Variants in NAALADL2 observed in about 807,000 individuals in gnomAD.
The protein encoded by NAALADL2 is inactive N-acetylated-alpha-linked acidic dipeptidase-like protein 2.
Under a neutral mutation model 87.2 loss-of-function variants are expected in NAALADL2, and 76 were observed. The observed-to-expected ratio is 0.87, with a 90% CI of 0.72 to 1.05. The LOEUF (loss-of-function observed/expected upper bound fraction) is 1.05, where lower values mean the gene tolerates loss of function less well. Ranked by LOEUF, NAALADL2 falls within the 50% of genes least tolerant of loss-of-function variation. NAALADL2 has a pLI of 0.00. For missense variants in NAALADL2, 1,089 were observed against 945.8 expected, an observed-to-expected ratio of 1.15 and a Z score of -1.99; for synonymous variants, 354 against 331.0, an observed-to-expected ratio of 1.07 and a Z score of -0.75.
At chr3:175,639,248 C>T (rs576366101) in intron 11 of NAALADL2, among the ~76,000 whole-genome samples, 1 of 151,750 alleles carries the variant, frequency 6.6e-6, no homozygotes, top group South Asian at 2.1e-4. Context: ...CTAATTACTT[C>T]ACTTGTTCAT....
chr3:175,474,494 C>G (rs1725363958), intron 9 of NAALADL2, among the ~76,000 whole-genome samples: 1 of 152,112 alleles, frequency 6.6e-6, no homozygotes, highest in Non-Finnish European at 1.5e-5. Context: ...CAGACAACAT[C>G]TTGATATGAT....
At chr3:174,992,563 TCA>T in intron 1 of NAALADL2, among the ~76,000 whole-genome samples, 1 of 152,254 alleles carries the variant, frequency 6.6e-6, no homozygotes, top group South Asian at 2.1e-4. Context: ...AGAATTTATT[TCA>T]GAGACCTGAT....
intron 5 of NAALADL2, among the ~76,000 whole-genome samples, chr3:175,373,871 T>A (rs894382946): frequency 6.6e-6 from 1 of 152,196 alleles, no homozygotes; most frequent in African/African-American, 2.4e-5. Flanking sequence ...TATTTGACTC[T>A]GATTATAGTT....
At chr3:175,396,087 C>T (rs772376695) in intron 5 of NAALADL2, among the ~76,000 whole-genome samples, 21 of 152,182 alleles carry the variant, frequency 1.4e-4, no homozygotes, top group Non-Finnish European at 2.6e-4. Flanking sequence ...GGAATCCTGC[C>T]GTTAAATCAT....
At chr3:174,756,846 C>A (rs997759882) in intron 3 of NAALADL2, among the ~76,000 whole-genome samples, 2 of 152,158 alleles carry the variant, frequency 1.3e-5, no homozygotes, top group African/African-American at 4.8e-5. Flanking sequence ...GTTCTTCTTT[C>A]TTCTTAGATC....
At chr3:175,302,581 G>T (rs141449784) in intron 4 of NAALADL2, among the ~76,000 whole-genome samples, 4 of 152,142 alleles carry the variant, frequency 2.6e-5, no homozygotes, top group East Asian at 1.9e-4. Flanking sequence ...GGTAAAGATA[G>T]ATTTTAAAAT....
chr3:175,038,269 C>T (rs191690622), intron 1 of NAALADL2, among the ~76,000 whole-genome samples: 147 of 152,046 alleles, frequency 9.7e-4, no homozygotes, highest in Non-Finnish European at 1.9e-3. Flanking sequence ...AGATTTTGAT[C>T]AGTAATGTTG....
chr3:175,108,532 A>G (rs1447856947), intron 2 of NAALADL2, among the ~76,000 whole-genome samples: 1 of 151,960 alleles, frequency 6.6e-6, no homozygotes, highest in Admixed American at 6.6e-5. Context: ...AAGAAAAATA[A>G]AACAAGTGTG....
At chr3:175,259,499 C>A (rs542869629) in intron 4 of NAALADL2, among the ~76,000 whole-genome samples, 1 of 152,128 alleles carries the variant, frequency 6.6e-6, no homozygotes, top group African/African-American at 2.4e-5. Flanking sequence ...TCTAGGGATA[C>A]TTTTAAAAGA....
At chr3:174,962,906 T>C (rs1259923828) in intron 1 of NAALADL2, among the ~76,000 whole-genome samples, 1 of 152,108 alleles carries the variant, frequency 6.6e-6, no homozygotes, top group East Asian at 1.9e-4. Flanking sequence ...TATTTGCATA[T>C]AACCTACACA....
intron 1 of NAALADL2, among the ~76,000 whole-genome samples, chr3:174,544,821 A>C (rs2108475914): frequency 6.6e-6 from 1 of 151,856 alleles, no homozygotes; most frequent in East Asian, 1.9e-4. Context: ...TGCCTGCCTC[A>C]GCCTCCGAAA....
At chr3:175,314,050 G>A (rs1758719638) in intron 4 of NAALADL2, among the ~76,000 whole-genome samples, 1 of 138,786 alleles carries the variant, frequency 7.2e-6, no homozygotes, top group Non-Finnish European at 1.5e-5. Context: ...TCCAGCCTGG[G>A]CAACAGAGTG....
intron 3 of NAALADL2, among the ~76,000 whole-genome samples, chr3:174,810,725 G>T (rs371645366): frequency 2.2e-4 from 34 of 152,276 alleles, no homozygotes; most frequent in African/African-American, 7.0e-4. Context: ...GTGGAGATTG[G>T]GAGGCAACTC....
chr3:175,178,143 A>T (rs912593119), intron 2 of NAALADL2, among the ~76,000 whole-genome samples: 16 of 151,920 alleles, frequency 1.1e-4, no homozygotes, highest in African/African-American at 2.9e-4. Context: ...CTATGTCATA[A>T]TGGGTTATTA....
At chr3:175,142,615 T>G (rs986737183) in intron 2 of NAALADL2, among the ~76,000 whole-genome samples, 2 of 151,948 alleles carry the variant, frequency 1.3e-5, no homozygotes, top group Non-Finnish European at 2.9e-5. Context: ...CACTTTTTTT[T>G]TTAAAACATA....
At chr3:175,764,527 A>G (rs1748430949) in intron 13 of NAALADL2, among the ~76,000 whole-genome samples, 1 of 125,596 alleles carries the variant, frequency 8.0e-6, no homozygotes, top group South Asian at 3.5e-4. Context: ...TTTCAAGCTA[A>G]TCCAAGCCAA....
At chr3:175,791,572 A>G (rs557084704) in intron 13 of NAALADL2, among the ~76,000 whole-genome samples, 1 of 152,296 alleles carries the variant, frequency 6.6e-6, no homozygotes, top group South Asian at 2.1e-4. Context: ...CAAGACTGTC[A>G]TGACAGAGGA....
At chr3:175,342,952 CATA>C (rs1456156837) in intron 5 of NAALADL2, among the ~76,000 whole-genome samples, 1 of 151,960 alleles carries the variant, frequency 6.6e-6, no homozygotes, top group African/African-American at 2.4e-5. Context: ...TGAAATTTAG[CATA>C]ATATTTCTTT....
intron 5 of NAALADL2, among the ~76,000 whole-genome samples, chr3:175,331,087 T>C (rs1761335601): frequency 6.6e-6 from 1 of 152,076 alleles, no homozygotes; most frequent in African/African-American, 2.4e-5. Flanking sequence ...TCTACAAAGA[T>C]TGAATCAGGA....
Sources: allele counts gnomAD v4.1 joint callset (sites outside exome capture counted in the v4.1 genomes callset), GRCh38; gene constraint gnomAD v4.1.1; transcripts MANE v1.5; gene names NCBI Gene and HGNC (gene_info 2026-07-23, HGNC 2026-07-21).